The following XRCC4 variants were observed in gnomAD, a reference collection of about 807,000 sequenced individuals.
The protein encoded by XRCC4 is X-ray repair cross complementing 4, also known as DNA repair protein XRCC4.
In XRCC4, 28 loss-of-function variants were observed where a neutral mutation model predicts 39.1. That is an observed-to-expected ratio of 0.72 (90% CI 0.53 to 0.98). The LOEUF (loss-of-function observed/expected upper bound fraction) is 0.98. XRCC4 is among the 50% of genes least tolerant of loss of function. The probability of loss-of-function intolerance (pLI) is 0.00; values close to 1 mark genes in which losing one functional copy is unlikely to be tolerated. For synonymous variants in XRCC4, 123 were observed against 126.4 expected (o/e 0.97, Z 0.18); for missense variants, 350 against 376.4 (o/e 0.93, Z 0.58).
intron 6 of XRCC4, among the ~76,000 whole-genome samples, chr5:83,223,750 T>G (rs1752178437): frequency 6.6e-6 from 1 of 152,032 alleles, no homozygotes; most frequent in South Asian, 2.1e-4. Flanking sequence ...GTTACATATG[T>G]ATACATGTGC....
chr5:83,324,270 T>C (rs1007541066), intron 7 of XRCC4, among the ~76,000 whole-genome samples: 9 of 152,124 alleles, frequency 5.9e-5, no homozygotes, highest in African/African-American at 2.2e-4. Flanking sequence ...ATAAAGAACA[T>C]GAATGTACTG....
chr5:83,235,063 G>A (rs541795991), intron 6 of XRCC4, among the ~76,000 whole-genome samples: 1 of 151,704 alleles, frequency 6.6e-6, no homozygotes, highest in East Asian at 1.9e-4. Context: ...GCTGGGCATG[G>A]TTGGTTCACA....
intron 3 of XRCC4, among the ~76,000 whole-genome samples, chr5:83,140,010 A>G (rs1404887038): frequency 6.6e-6 from 1 of 152,054 alleles, no homozygotes; most frequent in Non-Finnish European, 1.5e-5. Context: ...CTTATTTGTA[A>G]CTTTCTCTGA....
intron 3 of XRCC4, among the ~76,000 whole-genome samples, chr5:83,118,076 ACATATG>A (rs1315200813): frequency 0.022 from 1,125 of 50,496 alleles, 15 homozygotes; most frequent in African/African-American, 0.088. Context: ...ACACACACAC[ACATATG>A]TATATAGTGA....
At chr5:83,318,684 C>A (rs1755961324) in intron 7 of XRCC4, among the ~76,000 whole-genome samples, 1 of 7,410 alleles carries the variant, frequency 1.3e-4, no homozygotes, top group Non-Finnish European at 2.1e-4. Flanking sequence ...AACTACAAAC[C>A]ACTGCTCAAG....
intron 2 of XRCC4, 84 bp from the exon 3 acceptor site, chr5:83,110,944 A>AT (rs28383150): frequency 1.2e-4 from 158 of 1,265,538 alleles, no homozygotes; most frequent in Non-Finnish European, 1.6e-4. Flanking sequence ...CATGTGATAA[A>AT]TTAGTACTAA....
intron 7 of XRCC4, among the ~76,000 whole-genome samples, chr5:83,352,720 C>T (rs1264013007): frequency 6.6e-6 from 1 of 152,146 alleles, no homozygotes; most frequent in Non-Finnish European, 1.5e-5. Context: ...AAACTTTCTG[C>T]TGCTAAGAGA....
intron 4 of XRCC4, among the ~76,000 whole-genome samples, chr5:83,196,883 G>A (rs1750973945): frequency 1.3e-5 from 2 of 151,764 alleles, no homozygotes; most frequent in African/African-American, 2.4e-5. Flanking sequence ...GTGAGTATAT[G>A]TGAAAGTATA....
chr5:83,343,147 C>T (rs570003083), intron 7 of XRCC4, among the ~76,000 whole-genome samples: 33 of 151,950 alleles, frequency 2.2e-4, no homozygotes, highest in African/African-American at 8.0e-4. Context: ...GTGCCCTTAC[C>T]TTACCCCTCA....
At chr5:83,243,244 A>G (rs1752981396) in intron 6 of XRCC4, among the ~76,000 whole-genome samples, 1 of 152,214 alleles carries the variant, frequency 6.6e-6, no homozygotes, top group Non-Finnish European at 1.5e-5. Context: ...AGGAAAGATG[A>G]AAATATATTC....
rs953916178 is a variant in XRCC4, at chr5:83,310,132, G to T, written c.894-42999G>T. 2.0e-5 allele frequency among the ~76,000 whole-genome samples: 3 copies of T among 152,188 alleles called. No homozygotes were observed. In the East Asian group the frequency reaches 5.8e-4, roughly 29 times the overall value. On this transcript the variant is annotated intron_variant, in intron 7 of 7. Coordinates refer to ENST00000396027, the MANE Select transcript of XRCC4 (RefSeq NM_003401.5). ...AGATCTTATATCTTATGCGGTAAAG[G>T]CATCTGGCTACAGGATCTCAAAAAT...
intron 3 of XRCC4, among the ~76,000 whole-genome samples, chr5:83,166,630 ATTTTTT>A (rs549500319): frequency 4.4e-5 from 6 of 135,164 alleles, no homozygotes; most frequent in African/African-American, 1.4e-4. Flanking sequence ...CGCCTAGCTA[ATTTTTT>A]TTTTTTTTTT....
chr5:83,161,586 C>T (rs1049587764), intron 3 of XRCC4, among the ~76,000 whole-genome samples: 8 of 152,116 alleles, frequency 5.3e-5, no homozygotes, highest in Admixed American at 2.0e-4. Context: ...CTATGTGTTT[C>T]ATTTCAATTC....
chr5:83,283,498 G>T (rs1187615281), intron 7 of XRCC4, among the ~76,000 whole-genome samples: 4 of 152,052 alleles, frequency 2.6e-5, no homozygotes, highest in African/African-American at 9.7e-5. Flanking sequence ...AAAAAACTTT[G>T]TCACAAACCT....
intron 3 of XRCC4, among the ~76,000 whole-genome samples, chr5:83,191,862 C>G (rs1254148293): frequency 1.3e-5 from 2 of 152,136 alleles, no homozygotes; most frequent in African/African-American, 4.8e-5. Context: ...TCTTCCCAGT[C>G]TCAGGTATGT....
intron 1 of XRCC4, among the ~76,000 whole-genome samples, chr5:83,088,395 A>G (rs1420618495): frequency 1.3e-5 from 2 of 152,184 alleles, no homozygotes; most frequent in Non-Finnish European, 2.9e-5. Flanking sequence ...ATTGAACACA[A>G]AGTTTGCACA....
chr5:83,351,710 C>A (rs1342476918), intron 7 of XRCC4, among the ~76,000 whole-genome samples: 1 of 152,100 alleles, frequency 6.6e-6, no homozygotes, highest in Non-Finnish European at 1.5e-5. Flanking sequence ...CCTTGGCACT[C>A]CTGTGATGAT....
chr5:83,307,702 T>A (rs1755537548), intron 7 of XRCC4, among the ~76,000 whole-genome samples: 1 of 152,062 alleles, frequency 6.6e-6, no homozygotes, highest in African/African-American at 2.4e-5. Context: ...AAAAAACAAT[T>A]ATTTAGGAGC....
intron 7 of XRCC4, among the ~76,000 whole-genome samples, chr5:83,326,663 TGTGA>T (rs1156797395): frequency 1.3e-5 from 2 of 152,106 alleles, no homozygotes; most frequent in Non-Finnish European, 2.9e-5. Context: ...CATTGCATAA[TGTGA>T]GTTTTTTGTA....
Sources: allele counts gnomAD v4.1 joint callset (sites outside exome capture counted in the v4.1 genomes callset), GRCh38; gene constraint gnomAD v4.1.1; transcripts MANE v1.5; gene names NCBI Gene and HGNC (gene_info 2026-07-23, HGNC 2026-07-21).